Variants in CACNA1H observed in about 807,000 individuals in gnomAD.
CACNA1H encodes the protein voltage-dependent T-type calcium channel subunit alpha-1H.
A neutral mutation model predicts 192.5 loss-of-function variants in CACNA1H; 149 were observed. The observed-to-expected ratio is 0.77, with a 90% confidence interval of 0.68 to 0.89. The LOEUF is 0.89. Among genes scored for constraint, CACNA1H ranks in the 40% least tolerant of loss-of-function variants. CACNA1H has a pLI of 0.00. For synonymous variants in CACNA1H, 2,202 were observed against 1,475.2 expected (o/e 1.49, Z -11.29); for missense variants, 4,257 against 3,423.5 (o/e 1.24, Z -6.08).
intron 2 of CACNA1H, among the ~76,000 whole-genome samples, chr16:1,187,759 G>A (rs573706288): frequency 7.9e-5 from 12 of 152,336 alleles, no homozygotes; most frequent in South Asian, 6.2e-4. Context: ...CCATCCCTTC[G>A]CTGGGCTAGC....
At chr16:1,194,343 C>G (rs924099475) in intron 2 of CACNA1H, among the ~76,000 whole-genome samples, 6 of 152,178 alleles carry the variant, frequency 3.9e-5, no homozygotes, top group Admixed American at 3.9e-4. Flanking sequence ...TAAGGAAGGT[C>G]CCTCCTGGGT....
At chr16:1,214,425 T>C (rs534961101) in intron 27 of CACNA1H, among the ~76,000 whole-genome samples, 2 of 152,246 alleles carry the variant, frequency 1.3e-5, no homozygotes, top group African/African-American at 2.4e-5. Context: ...AGGATGGCCG[T>C]GGCCAGAGGC....
At chr16:1,194,865 G>C in intron 2 of CACNA1H, 107 bp from the exon 3 acceptor site, 1 of 798,572 alleles carries the variant, frequency 1.3e-6, no homozygotes, top group Non-Finnish European at 2.2e-6. Flanking sequence ...ACACCCCCAC[G>C]CGCGCACACC....
At chr16:1,197,911 G>T (rs1967185184) in intron 5 of CACNA1H, among the ~76,000 whole-genome samples, 1 of 152,316 alleles carries the variant, frequency 6.6e-6, no homozygotes, top group South Asian at 2.1e-4. Context: ...TGACCCACTT[G>T]CTGGATTAAT....
chr16:1,206,494 A>T, intron 12 of CACNA1H: 1 of 583,482 alleles, frequency 1.7e-6, no homozygotes, highest in Non-Finnish European at 3.0e-6. Flanking sequence ...GCAGGGAGTC[A>T]GATGGCAGGG....
rs529196496 is a variant in CACNA1H at position 1,179,056 on chromosome 16, G to A, written c.300-15916G>A. 3.9e-5 allele frequency among the ~76,000 whole-genome samples: 6 copies of A among 152,334 alleles called. No homozygotes were observed. In the South Asian group the frequency reaches 8.3e-4, roughly 21 times the overall value. On this transcript the variant is annotated intron_variant, in intron 2 of 34. Transcript: ENST00000348261. ...CTGTTGGGTGGTGAATGGGTGACCC[G>A]TGGACACCAGGCTGTGGCGGGTGTA...
At chr16:1,207,534 T>C (rs1249103966) in intron 14 of CACNA1H, 104 bp downstream of exon 14, 2 of 1,251,670 alleles carry the variant, frequency 1.6e-6, no homozygotes, top group African/African-American at 3.0e-5. Context: ...AGGTGAGGGA[T>C]AGAGAAGGGA....
chr16:1,185,739 T>A (rs1303647664), intron 2 of CACNA1H, among the ~76,000 whole-genome samples: 3 of 290 alleles, frequency 0.01, no homozygotes, highest in Non-Finnish European at 0.028. Context: ...GGTGTGTACG[T>A]GGGCAGGTGA....
chr16:1,218,682 G>T, intron 33 of CACNA1H, 31 bp downstream of exon 33: 1 of 1,506,898 alleles, frequency 6.6e-7, no homozygotes. Flanking sequence ...ATATGGGCTG[G>T]GTGGGAAGCA....
At chr16:1,181,362 G>A (rs894456722) in intron 2 of CACNA1H, among the ~76,000 whole-genome samples, 1 of 152,248 alleles carries the variant, frequency 6.6e-6, no homozygotes, top group Non-Finnish European at 1.5e-5. Context: ...GACAGCTGCC[G>A]AGCCCCCGGC....
intron 14 of CACNA1H, 84 bp downstream of exon 14, chr16:1,207,514 G>A (rs1968882693): frequency 7.0e-7 from 1 of 1,425,394 alleles, no homozygotes; most frequent in Non-Finnish European, 9.6e-7. Flanking sequence ...GGTGTGGGGG[G>A]CCTGCCAAGA....
intron 6 of CACNA1H, 171 bp downstream of exon 6, chr16:1,198,945 ACCC>A (rs1388658062): frequency 2.4e-6 from 1 of 409,432 alleles, no homozygotes; most frequent in Non-Finnish European, 3.9e-6. Flanking sequence ...TCCCGCCCCC[ACCC>A]CCCATCATGG....
chr16:1,198,922 C>G (rs1035897643), intron 6 of CACNA1H, 148 bp downstream of exon 6: 28 of 735,924 alleles, frequency 3.8e-5, no homozygotes, highest in Non-Finnish European at 6.0e-5. Context: ...ATGGCTCCGT[C>G]CACCATGCTG....
chr16:1,175,090 C>T (rs911053680), intron 2 of CACNA1H, among the ~76,000 whole-genome samples: 3 of 152,164 alleles, frequency 2.0e-5, no homozygotes, highest in South Asian at 2.1e-4. Context: ...TCCACAGGCC[C>T]GCGTGATGTG....
At chr16:1,164,690 CG>C (rs1963577615) in intron 2 of CACNA1H, among the ~76,000 whole-genome samples, 1 of 152,196 alleles carries the variant, frequency 6.6e-6, no homozygotes, top group South Asian at 2.1e-4. Flanking sequence ...GGAGACCCTT[CG>C]GATCTCCCTT....
chr16:1,181,711 G>A (rs762563051), intron 2 of CACNA1H, among the ~76,000 whole-genome samples: 4 of 152,198 alleles, frequency 2.6e-5, no homozygotes, highest in East Asian at 1.9e-4. Context: ...CTCCAGCTCC[G>A]TGGTGGTGCT....
At position 1,180,778 on chromosome 16, in the gene CACNA1H, C is replaced by A. The variant is rs952841845; in HGVS notation, c.300-14194C>A. Among the ~76,000 whole-genome samples, 2 of 152,112 alleles carry A rather than the reference C, an allele frequency of 1.3e-5. No homozygotes were observed. Among genetic ancestry groups the A allele is most frequent in the African/African-American group, 4.8e-5 (2 of 41,428 alleles). On this transcript the variant is annotated intron_variant, in intron 2 of 34. Coordinates refer to ENST00000348261, the MANE Select transcript of CACNA1H (RefSeq NM_021098.3). This position sits in a 1 kb window ranked among gnomAD's most constrained non-coding sequence, Gnocchi z 4.4. ...GGGGCCTGTGGCTCCCACAGGGAGG[C>A]CCCTTAGGTGAAGAGGACCAGAGTG...
intron 10 of CACNA1H, 79 bp downstream of exon 10, chr16:1,204,537 C>T (rs1968416610): frequency 1.6e-5 from 19 of 1,159,270 alleles, no homozygotes. Context: ...CTTCCAGCAG[C>T]CCCGATGCCT....
At position 1,200,311 on chromosome 16, in the gene CACNA1H, A is replaced by T; in HGVS notation, c.859A>T (p.Asn287Tyr). The T allele has an allele frequency of 6.2e-7, 1 of 1,606,380 alleles. No individual in the cohort carries two copies. The highest frequency in any genetic ancestry group is 8.5e-7 in the Non-Finnish European group (1 of 1,176,956). Residue 287 changes from asparagine (N) to tyrosine (Y), a missense_variant, in exon 7 of 35, where the codon AAC becomes TAC. Asn to Tyr is a moderately radical substitution (Grantham distance 143). Transcript: ENST00000348261. Reference sequence around the variant, plus strand: ...CTACCAGACGGAGGAGGGCGAGGAGAACCCGTTCATCTGCTCCTCACGCCG... The same window carrying T: ...CTACCAGACGGAGGAGGGCGAGGAGTACCCGTTCATCTGCTCCTCACGCCG... ...PYYQTEEGEE[N>Y]PFICSSRRDN... is the part of the protein sequence containing the mutation.
Sources: gnomAD v4.1 joint callset for allele counts (sites outside exome capture counted in the v4.1 genomes callset) on GRCh38, gnomAD v4.1.1 for gene constraint, Gnocchi (gnomAD v3.1) non-coding constraint, MANE v1.5 for transcripts, NCBI Gene and HGNC (gene_info 2026-07-23, HGNC 2026-07-21) for gene names.